TMEM117: variants seen among roughly 807,000 people sequenced by gnomAD.
TMEM117 encodes the protein transmembrane protein 117.
Under a neutral mutation model 52.4 loss-of-function variants are expected in TMEM117, and 27 were observed. The ratio of observed to expected loss-of-function variants is 0.51; its 90% CI spans 0.38 to 0.71. TMEM117 has a LOEUF of 0.71. Among genes scored for constraint, TMEM117 ranks in the 30% least tolerant of loss-of-function variants. The pLI is 0.00. For synonymous variants in TMEM117, 215 were observed against 206.3 expected (o/e 1.04, Z -0.36); for missense variants, 556 against 630.5 (o/e 0.88, Z 1.26).
At chr12:44,186,298 A>G (rs879250630) in intron 4 of TMEM117, among the ~76,000 whole-genome samples, 2 of 152,344 alleles carry the variant, frequency 1.3e-5, no homozygotes, top group Admixed American at 1.3e-4. Context: ...TTATGCCTCA[A>G]AGAAAGTAAT....
At chr12:44,367,797 A>C (rs1951809953) in intron 6 of TMEM117, among the ~76,000 whole-genome samples, 1 of 152,100 alleles carries the variant, frequency 6.6e-6, no homozygotes, top group Non-Finnish European at 1.5e-5. Flanking sequence ...TGGTTCCCCA[A>C]TGTCTCCCTT....
At chr12:44,215,255 C>T (rs765644469) in intron 5 of TMEM117, among the ~76,000 whole-genome samples, 6 of 152,158 alleles carry the variant, frequency 3.9e-5, no homozygotes, top group Non-Finnish European at 8.8e-5. Flanking sequence ...CTCACAAACA[C>T]CTGTCAGAAA....
chr12:43,850,279 G>T (rs139906683), intron 2 of TMEM117, among the ~76,000 whole-genome samples: 11 of 152,288 alleles, frequency 7.2e-5, no homozygotes, highest in African/African-American at 2.6e-4. Context: ...CAGAACTAGG[G>T]TTGATCAGAA....
At chr12:44,186,124 A>T (rs764874605) in intron 4 of TMEM117, among the ~76,000 whole-genome samples, 2 of 152,122 alleles carry the variant, frequency 1.3e-5, no homozygotes, top group Non-Finnish European at 2.9e-5. Context: ...TTTGGCTAGA[A>T]CCTCTGCCAA....
chr12:43,906,923 G>A (rs1482063580), intron 2 of TMEM117, among the ~76,000 whole-genome samples: 17 of 152,218 alleles, frequency 1.1e-4, no homozygotes, highest in Admixed American at 1.1e-3. Context: ...TGGGGGAGGG[G>A]CGCCTGCCAT....
the TMEM117 span, chr12:43,797,206 A>G: frequency 6.8e-7 from 1 of 1,474,724 alleles, no homozygotes. Flanking sequence ...ATAAAACTAC[A>G]GCTAAGCCCT....
At chr12:44,157,695 G>A (rs1948845405) in intron 4 of TMEM117, among the ~76,000 whole-genome samples, 1 of 152,078 alleles carries the variant, frequency 6.6e-6, no homozygotes, top group African/African-American at 2.4e-5. Context: ...TGAATTATAT[G>A]AATTATGTGA....
intron 4 of TMEM117, among the ~76,000 whole-genome samples, chr12:44,157,789 A>T (rs1340242083): frequency 2.0e-5 from 3 of 152,166 alleles, no homozygotes; most frequent in Non-Finnish European, 4.4e-5. Flanking sequence ...GACAGTCTTG[A>T]GCAGGCAAAT....
chr12:44,340,736 C>T (rs777791307), intron 6 of TMEM117, among the ~76,000 whole-genome samples: 1 of 152,096 alleles, frequency 6.6e-6, no homozygotes, highest in African/African-American at 2.4e-5. Flanking sequence ...GTGTTACAAG[C>T]ATCTATATGC....
chr12:43,989,834 T>G lies in TMEM117; in HGVS notation c.410+45492T>G, dbSNP rs369263048. On this transcript the variant is annotated intron_variant, in intron 3 of 7. Coordinates refer to ENST00000266534, the MANE Select transcript of TMEM117 (RefSeq NM_032256.3). ...TAATCTGGAGTAATTGATCTTCATT[T>G]AAGAACTTAGATCTTAAAATCTGTC... Among the ~76,000 whole-genome samples the G allele has an allele frequency of 4.6e-5, 7 of 152,264 alleles. No individual in the cohort carries two copies. The East Asian group carries it at 1.3e-3, about 29-fold the overall frequency.
intron 3 of TMEM117, among the ~76,000 whole-genome samples, chr12:43,994,500 T>C (rs1945995970): frequency 6.6e-6 from 1 of 152,194 alleles, no homozygotes; most frequent in South Asian, 2.1e-4. Context: ...TTAAGCTTTG[T>C]TATTTTGGAG....
chr12:43,928,581 TTTTA>T (rs1187111107), intron 2 of TMEM117, among the ~76,000 whole-genome samples: 3 of 152,042 alleles, frequency 2.0e-5, no homozygotes, highest in South Asian at 2.1e-4. Context: ...ACCATGCTAG[TTTTA>T]TTTATTTATT....
At chr12:43,902,727 A>G (rs1592347492) in intron 2 of TMEM117, among the ~76,000 whole-genome samples, 3 of 152,168 alleles carry the variant, frequency 2.0e-5, no homozygotes, top group Non-Finnish European at 2.9e-5. Context: ...GCTATTTAAC[A>G]CTTCCATTTA....
At chr12:44,327,032 T>C (rs1951205036) in intron 6 of TMEM117, among the ~76,000 whole-genome samples, 2 of 152,312 alleles carry the variant, frequency 1.3e-5, no homozygotes, top group South Asian at 4.1e-4. Flanking sequence ...TTAAAAAACT[T>C]GATAAAGTAC....
chr12:44,328,785 C>T (rs1262094298), intron 6 of TMEM117, among the ~76,000 whole-genome samples: 1 of 151,864 alleles, frequency 6.6e-6, no homozygotes, highest in Non-Finnish European at 1.5e-5. Context: ...CAATGTAATG[C>T]AGAAAAGAAA....
At chr12:43,797,384 T>C in the TMEM117 span, 3 of 1,605,570 alleles carry the variant, frequency 1.9e-6, no homozygotes, top group Non-Finnish European at 1.7e-6. Context: ...GAATCCTCTT[T>C]GGCAAATCTT....
At chr12:44,248,829 G>T (rs1468400534) in intron 5 of TMEM117, 2 of 163,222 alleles carry the variant, frequency 1.2e-5, no homozygotes, top group South Asian at 1.9e-4. Flanking sequence ...GTTTTCTGGG[G>T]GTTTTCCAAA....
At chr12:43,886,716 G>A (rs911192582) in intron 2 of TMEM117, among the ~76,000 whole-genome samples, 4 of 152,150 alleles carry the variant, frequency 2.6e-5, no homozygotes, top group Admixed American at 2.6e-4. Flanking sequence ...TATTGTACAC[G>A]TTATTTCATT....
chr12:44,327,813 C>T (rs560311346), intron 6 of TMEM117, among the ~76,000 whole-genome samples: 2 of 152,124 alleles, frequency 1.3e-5, no homozygotes, highest in Admixed American at 1.3e-4. Context: ...GGAAAAGTTC[C>T]GAGTCAGTAA....
Sources: gnomAD v4.1 joint callset for allele counts (sites outside exome capture counted in the v4.1 genomes callset) on GRCh38, gnomAD v4.1.1 for gene constraint, MANE v1.5 for transcripts, NCBI Gene and HGNC (gene_info 2026-07-23, HGNC 2026-07-21) for gene names.